Variants in KLHL28 observed in about 807,000 individuals in gnomAD.
The protein encoded by KLHL28 is kelch-like protein 28.
Under a neutral mutation model 48.3 loss-of-function variants are expected in KLHL28, and 22 were observed. That is an observed-to-expected ratio of 0.46 (90% CI 0.33 to 0.65). KLHL28 has a LOEUF of 0.65. Ranked by LOEUF, KLHL28 falls within the 30% of genes least tolerant of loss-of-function variation. The pLI, the probability that KLHL28 is intolerant of heterozygous loss-of-function variation, is 0.03. For missense variants in KLHL28, 527 were observed against 704.3 expected (o/e 0.75, Z 2.85); for synonymous variants, 243 against 242.4 (o/e 1.00, Z -0.02).
chr14:44,946,712 T>C (rs1884352566), intron 1 of KLHL28, among the ~76,000 whole-genome samples: 2 of 152,050 alleles, frequency 1.3e-5, no homozygotes, highest in Non-Finnish European at 2.9e-5. Flanking sequence ...CCTGCTAACA[T>C]GCCTGGCTAA....
intron 1 of KLHL28, among the ~76,000 whole-genome samples, chr14:44,951,600 G>A (rs1884584050): frequency 6.6e-6 from 1 of 152,128 alleles, no homozygotes; most frequent in South Asian, 2.1e-4. Context: ...TGTTTAAAAT[G>A]GGCCAAAGAA....
intron 2 of KLHL28, among the ~76,000 whole-genome samples, chr14:44,939,009 G>A (rs984375888): frequency 6.6e-6 from 1 of 152,178 alleles, no homozygotes; most frequent in African/African-American, 2.4e-5. Flanking sequence ...CACTCTTACA[G>A]TAGGAGAAGG....
At chr14:44,932,916 T>G (rs894468262) in intron 3 of KLHL28, among the ~76,000 whole-genome samples, 5 of 152,182 alleles carry the variant, frequency 3.3e-5, no homozygotes, top group Non-Finnish European at 7.3e-5. Flanking sequence ...AATGCTGTTG[T>G]GCCATCACTT....
rs1238134030 is a variant in KLHL28 at position 44,927,009 on chromosome 14, AT to A, written c.*2018del. On this transcript the variant is annotated 3_prime_UTR_variant, in exon 5 of 5. Transcript: ENST00000396128. ...CTGGGCCAACTACAATAGTGCACCT[AT>A]TTCTATGCAATAGATTTATTCAAAT... is the stretch of plus-strand genomic sequence containing the variant. 3 of 152,622 alleles carry A rather than the reference AT, an allele frequency of 2.0e-5. No homozygotes were observed. The highest frequency in any genetic ancestry group is 4.4e-5 in the Non-Finnish European group (3 of 68,012). The allele number at this position is 152,622 out of a possible 1,614,324, so 9.5% of individuals were successfully genotyped here.
At chr14:44,952,605 C>A (rs1362441136) in intron 1 of KLHL28, among the ~76,000 whole-genome samples, 2 of 152,138 alleles carry the variant, frequency 1.3e-5, no homozygotes, top group African/African-American at 2.4e-5. Flanking sequence ...ATGATCATGG[C>A]ACAATGCAAC....
chr14:44,934,075 A>G (rs747405282), intron 3 of KLHL28, 40 bp downstream of exon 3: 1 of 1,471,680 alleles, frequency 6.8e-7, no homozygotes, highest in South Asian at 1.3e-5. Context: ...GACTTTTAAA[A>G]ATCCATAAAC....
chr14:44,939,464 T>C lies in KLHL28; in HGVS notation c.900-4906A>G, dbSNP rs566381448. Among the ~76,000 whole-genome samples, 152 of 152,360 alleles carry C rather than the reference T, an allele frequency of 1.0e-3. 2 individuals are homozygous for C. The South Asian group carries it at 0.031, about 31-fold the overall frequency. On this transcript the variant is annotated intron_variant, in intron 2 of 4. Transcript: ENST00000396128. Reference sequence around the variant, plus strand: ...AATTTTCCAAGTCTTTCTGTTCCGCTTACCATTTAATTATAAATTCCATTT... The same window carrying C: ...AATTTTCCAAGTCTTTCTGTTCCGCCTACCATTTAATTATAAATTCCATTT...
At chr14:44,951,243 T>G (rs1594582432) in intron 1 of KLHL28, among the ~76,000 whole-genome samples, 1 of 151,994 alleles carries the variant, frequency 6.6e-6, no homozygotes, top group East Asian at 1.9e-4. Flanking sequence ...GTAGGGGAAA[T>G]AGAGAGGTGA....
chr14:44,949,997 A>G (rs959311885), intron 1 of KLHL28, among the ~76,000 whole-genome samples: 1 of 152,136 alleles, frequency 6.6e-6, no homozygotes, highest in East Asian at 1.9e-4. Flanking sequence ...CCTGATGAAC[A>G]GCAGAAATTC....
At chr14:44,949,146 C>T (rs1325593159) in intron 1 of KLHL28, among the ~76,000 whole-genome samples, 1 of 152,038 alleles carries the variant, frequency 6.6e-6, no homozygotes, top group African/African-American at 2.4e-5. Flanking sequence ...ATTACCAGTG[C>T]CACAGGACTG....
chr14:44,945,589 G>T lies in KLHL28; in HGVS notation c.340C>A (p.Leu114Ile). ...TVESLLPAAN[L>I]LQIKLVLKEC... ...TTCAGGACAAGTTTTATCTGGAGTA[G>T]GTTTGCTGCTGGCAGGAGAGATTCA... The change falls in exon 2 of 5, where the codon CTA (leucine) becomes ATA (isoleucine). Residue 114 changes from leucine (L) to isoleucine (I), a missense_variant. Coordinates refer to ENST00000396128, the MANE Select transcript of KLHL28 (RefSeq NM_017658.5). 6.2e-7 allele frequency: 1 copy of T among 1,614,132 alleles called. No individual in the cohort carries two copies. The highest frequency in any genetic ancestry group is 8.5e-7 in the Non-Finnish European group (1 of 1,180,014).
chr14:44,954,378 A>G (rs1325840670), intron 1 of KLHL28, among the ~76,000 whole-genome samples: 2 of 152,302 alleles, frequency 1.3e-5, no homozygotes, highest in Admixed American at 1.3e-4. Context: ...TAATATACTC[A>G]TGTTTCTTAT....
At chr14:44,931,189 C>T in intron 4 of KLHL28, 144 bp downstream of exon 4, 1 of 560,398 alleles carries the variant, frequency 1.8e-6, no homozygotes. Context: ...AATTGTCTTT[C>T]AAGTTTACCA....
intron 1 of KLHL28, among the ~76,000 whole-genome samples, chr14:44,957,336 T>C (rs1644995109): frequency 6.6e-6 from 1 of 152,102 alleles, no homozygotes; most frequent in African/African-American, 2.4e-5. Context: ...AAACAGAAAA[T>C]ATAAGGCACA....
Position 44,934,267 on chromosome 14 carries a change from T to C in KLHL28, c.1191A>G (p.Gln397=), listed in dbSNP as rs750402666. ...ELYALGGYDG[Q]SYLQSVEKYI... is the part of the protein sequence containing the mutation. ...ACTTCTCTACAGATTGTAAATAAGATTGTCCATCATAACCACCTAAGGCAT... is the reference window on the plus strand; with the variant it reads ...ACTTCTCTACAGATTGTAAATAAGACTGTCCATCATAACCACCTAAGGCAT... The change falls in exon 3 of 5, where the codon CAA becomes CAG. Residue 397 remains glutamine (Q), a synonymous_variant. Coordinates refer to ENST00000396128, the MANE Select transcript of KLHL28 (RefSeq NM_017658.5). 1.1e-5 allele frequency: 17 copies of C among 1,614,002 alleles called. No individual in the cohort carries two copies. The highest frequency in any genetic ancestry group is 1.3e-5 in the African/African-American group (1 of 74,916).
chr14:44,942,808 G>A (rs1261503131), intron 2 of KLHL28, among the ~76,000 whole-genome samples: 1 of 151,964 alleles, frequency 6.6e-6, no homozygotes, highest in Non-Finnish European at 1.5e-5. Flanking sequence ...TGGGATAAAT[G>A]GTTCTCTTTA....
chr14:44,950,216 T>G (rs1461683387), intron 1 of KLHL28, among the ~76,000 whole-genome samples: 2 of 152,016 alleles, frequency 1.3e-5, no homozygotes, highest in Non-Finnish European at 2.9e-5. Context: ...TTAATAAATA[T>G]GAGTTATTAC....
Position 44,934,247 on chromosome 14 carries a change from T to C in KLHL28, c.1211A>G (p.Glu404Gly). 1.2e-6 allele frequency: 2 copies of C among 1,614,166 alleles called. No homozygotes were observed. Among genetic ancestry groups the C allele is most frequent in the Non-Finnish European group, 8.5e-7 (1 of 1,180,006 alleles). The change falls in exon 3 of 5, where the codon GAG (glutamate) becomes GGG (glycine). Residue 404 changes from glutamate (E) to glycine (G), a missense_variant. Coordinates refer to ENST00000396128, the MANE Select transcript of KLHL28 (RefSeq NM_017658.5). ...TTTTCTTATTTTGGGAATGTACTTC[T>C]CTACAGATTGTAAATAAGATTGTCC... ...YDGQSYLQSV[E>G]KYIPKIRKWQ...
chr14:44,961,030 A>G, intron 1 of KLHL28: 1 of 671,536 alleles, frequency 1.5e-6, no homozygotes, highest in Non-Finnish European at 2.6e-6. Flanking sequence ...CCACACTCCA[A>G]AGCATTCAGG....
Sources: gnomAD v4.1 joint callset for allele counts (sites outside exome capture counted in the v4.1 genomes callset) on GRCh38, gnomAD v4.1.1 for gene constraint, MANE v1.5 for transcripts, NCBI Gene and HGNC (gene_info 2026-07-23, HGNC 2026-07-21) for gene names.